MYO5A: variants seen among roughly 807,000 people sequenced by gnomAD.
MYO5A encodes the protein unconventional myosin-Va.
In MYO5A, 98 loss-of-function variants were observed where a neutral mutation model predicts 249.7. That is an observed-to-expected ratio of 0.39 (90% CI 0.33 to 0.46). The LOEUF (loss-of-function observed/expected upper bound fraction) is 0.46. Among genes scored for constraint, MYO5A ranks in the 20% least tolerant of loss-of-function variants. The pLI is 0.98. For missense variants in MYO5A, 1,696 were observed against 2,308.8 expected, an observed-to-expected ratio of 0.73 and a Z score of 5.44; for synonymous variants, 778 against 810.6, an observed-to-expected ratio of 0.96 and a Z score of 0.68.
rs1413064714 is a variant in MYO5A, at chr15:52,308,009, A to G, written c.*5687T>C. 1 of 152,228 alleles carries G rather than the reference A, an allele frequency of 6.6e-6. No homozygotes were observed. Among genetic ancestry groups the G allele is most frequent in the Non-Finnish European group, 1.5e-5 (1 of 68,024 alleles). 9.4% of individuals were successfully genotyped at this position (152,228 alleles called of 1,614,324 possible). ...AGCCTGAAATGTGGGCTAAAATTTT[A>G]TAACATGATAACAATAAGATTTGAA... On this transcript the variant is annotated 3_prime_UTR_variant, in exon 42 of 42. Transcript: ENST00000399233.
chr15:52,342,953 T>G (rs2039449508), intron 31 of MYO5A, among the ~76,000 whole-genome samples, 164 bp downstream of exon 31: 1 of 151,778 alleles, frequency 6.6e-6, no homozygotes, highest in Non-Finnish European at 1.5e-5. Flanking sequence ...CTGAATGTTC[T>G]CAGTTTTACT....
chr15:52,367,258 G>T, intron 22 of MYO5A, 134 bp from the exon 23 acceptor site: 1 of 786,028 alleles, frequency 1.3e-6, no homozygotes, highest in Non-Finnish European at 2.1e-6. Flanking sequence ...GTTATGTCTA[G>T]TCACCTTACA....
At chr15:52,378,489 G>T (rs2041547323) in intron 18 of MYO5A, among the ~76,000 whole-genome samples, 1 of 65,012 alleles carries the variant, frequency 1.5e-5, no homozygotes, top group Non-Finnish European at 3.3e-5. Flanking sequence ...CTGTACTCCA[G>T]CCTGGGTGAA....
At chr15:52,435,597 C>T (rs1253371449) in intron 1 of MYO5A, 5 of 452,328 alleles carry the variant, frequency 1.1e-5, no homozygotes, top group Non-Finnish European at 1.8e-5. Context: ...TCTTTACTGA[C>T]AAATATTTTC....
At chr15:52,414,342 C>T (rs1336277337) in intron 5 of MYO5A, among the ~76,000 whole-genome samples, 2 of 152,166 alleles carry the variant, frequency 1.3e-5, no homozygotes, top group South Asian at 2.1e-4. Context: ...TTATAAATTA[C>T]CCAGCCTCAG....
At position 52,321,470 on chromosome 15, in the gene MYO5A, A is replaced by T; in HGVS notation, c.4840T>A (p.Cys1614Ser). Reference sequence around the variant, plus strand: ...TCAGCCAGGTCAAAATTGGTGAGGCAGTGTTCATTCTGGCGAGATGTGTTG... The same window carrying T: ...TCAGCCAGGTCAAAATTGGTGAGGCTGTGTTCATTCTGGCGAGATGTGTTG... Reference protein sequence around the residue: ...KHNTSRQNEHCLTNFDLAEYR... With the variant: ...KHNTSRQNEHSLTNFDLAEYR... The change falls in exon 38 of 42, where the codon TGC (cysteine) becomes AGC (serine). Residue 1614 changes from cysteine to serine, a missense_variant. Physicochemically the swap from Cys to Ser is moderately radical, Grantham distance 112. Coordinates refer to ENST00000399233, the MANE Select transcript of MYO5A (RefSeq NM_001382347.1). 6.2e-7 allele frequency: 1 copy of T among 1,614,242 alleles called. No homozygotes were observed. Among genetic ancestry groups the T allele is most frequent in the Non-Finnish European group, 8.5e-7 (1 of 1,180,036 alleles).
chr15:52,360,635 C>A (rs28462026), intron 24 of MYO5A, among the ~76,000 whole-genome samples: 1 of 151,980 alleles, frequency 6.6e-6, no homozygotes, highest in Non-Finnish European at 1.5e-5. Flanking sequence ...GGACAGTACA[C>A]GGGAGGTAAG....
At chr15:52,381,782 T>A (rs28473161) in intron 16 of MYO5A, among the ~76,000 whole-genome samples, 4,658 of 137,828 alleles carry the variant, frequency 0.034, 191 homozygotes, top group African/African-American at 0.1. Flanking sequence ...TCTCTCTCTC[T>A]CACACACACA....
chr15:52,374,992 G>C (rs1322718376), intron 20 of MYO5A, among the ~76,000 whole-genome samples: 2 of 151,958 alleles, frequency 1.3e-5, no homozygotes, highest in Admixed American at 1.3e-4. Context: ...ATGCATTTCA[G>C]GCTGGGCATG....
chr15:52,389,209 A>G (rs1033276865), intron 13 of MYO5A, 29 bp downstream of exon 13: 7 of 1,605,714 alleles, frequency 4.4e-6, no homozygotes, highest in Non-Finnish European at 6.0e-6. Context: ...AAGTATTCAA[A>G]AAGAAAAACT....
intron 27 of MYO5A, among the ~76,000 whole-genome samples, chr15:52,351,820 T>C (rs1007715612): frequency 2.2e-4 from 33 of 152,168 alleles, no homozygotes; most frequent in Non-Finnish European, 2.1e-4. Context: ...TAGCTTTTGT[T>C]TGCAGATAAA....
chr15:52,335,300 G>A (rs532265124), intron 34 of MYO5A, among the ~76,000 whole-genome samples: 8 of 152,148 alleles, frequency 5.3e-5, no homozygotes, highest in African/African-American at 9.6e-5. Flanking sequence ...GATGGATCAC[G>A]AGCTCAGGAG....
At chr15:52,528,674 G>A in intron 1 of MYO5A, 106 bp downstream of exon 1, 1 of 1,310,498 alleles carries the variant, frequency 7.6e-7, no homozygotes, top group East Asian at 3.1e-5. Flanking sequence ...GGATGGCGCT[G>A]GTGGGGCTCG....
intron 25 of MYO5A, among the ~76,000 whole-genome samples, chr15:52,356,391 C>CTT (rs1308009024): frequency 6.6e-6 from 1 of 151,970 alleles, no homozygotes; most frequent in African/African-American, 2.4e-5. Context: ...TTTTCTTAGT[C>CTT]TTTTTCTCTA....
chr15:52,351,665 A>C (rs2039961638), intron 27 of MYO5A, among the ~76,000 whole-genome samples, 184 bp from the exon 28 acceptor site: 1 of 152,244 alleles, frequency 6.6e-6, no homozygotes, highest in Admixed American at 6.5e-5. Flanking sequence ...GACATCAAGT[A>C]GAATTGAGCA....
intron 1 of MYO5A, chr15:52,505,372 T>C (rs1251046289): frequency 1.3e-6 from 1 of 781,838 alleles, no homozygotes; most frequent in Non-Finnish European, 2.4e-6. Flanking sequence ...CATCAAGTCT[T>C]ACGAAAAGGA....
chr15:52,329,905 A>ATTTTTTTTTTTTTTTTTTT lies in MYO5A; in HGVS notation c.4555+429_4555+447dup, dbSNP rs58058940. Among the ~76,000 whole-genome samples, 67 of 119,710 alleles carry ATTTTTTTTTTTTTTTTTTT rather than the reference A, an allele frequency of 5.6e-4. 1 individual carries two copies. Among genetic ancestry groups the ATTTTTTTTTTTTTTTTTTT allele is most frequent in the Non-Finnish European group, 6.9e-4 (43 of 61,884 alleles). The allele number at this position is 119,710 out of a possible 152,430, so 78.5% of individuals were successfully genotyped here. A position where few individuals can be genotyped will look rare whatever the true frequency, so the allele number is the denominator to read the frequency against. On this transcript the variant is annotated intron_variant, in intron 35 of 41. Transcript: ENST00000399233. ...AGGCATGTACCACCTCGCCTGGGTA[A>ATTTTTTTTTTTTTTTTTTT]TTTTTTTTTTTTTTTTTTTTTTTTT...
chr15:52,423,866 G>A (rs62023268), intron 4 of MYO5A, among the ~76,000 whole-genome samples: 1 of 152,122 alleles, frequency 6.6e-6, no homozygotes, highest in South Asian at 2.1e-4. Context: ...AAGGTAAAAA[G>A]CCATAAATAT....
chr15:52,315,052 G>A (rs1407233127), intron 40 of MYO5A, among the ~76,000 whole-genome samples: 1 of 152,142 alleles, frequency 6.6e-6, no homozygotes, highest in East Asian at 1.9e-4. Flanking sequence ...ACTGAATTAG[G>A]GATCAGTCTC....
Sources: allele counts gnomAD v4.1 joint callset (sites outside exome capture counted in the v4.1 genomes callset), GRCh38; gene constraint gnomAD v4.1.1; transcripts MANE v1.5; gene names NCBI Gene and HGNC (gene_info 2026-07-23, HGNC 2026-07-21).